Variants in MAGI2 observed in about 807,000 individuals in gnomAD.
MAGI2 encodes membrane-associated guanylate kinase, WW and PDZ domain-containing protein 2.
A neutral mutation model predicts 133.3 loss-of-function variants in MAGI2; 35 were observed. That is an observed-to-expected ratio of 0.26 (90% CI 0.20 to 0.35). The LOEUF (loss-of-function observed/expected upper bound fraction) is 0.35. Among genes scored for constraint, MAGI2 ranks in the 10% least tolerant of loss-of-function variants. MAGI2 has a pLI of 1.00. For missense variants in MAGI2, 1,636 were observed against 1,863.4 expected (o/e 0.88, Z 2.25); for synonymous variants, 729 against 710.6 (o/e 1.03, Z -0.41).
intron 21 of MAGI2, among the ~76,000 whole-genome samples, chr7:78,023,239 C>CT (rs1256017930): frequency 2.6e-5 from 4 of 152,194 alleles, no homozygotes; most frequent in Admixed American, 2.6e-4. Flanking sequence ...GAGCCCTTCT[C>CT]TAAGACTGGA....
At chr7:79,075,280 G>A (rs565744121) in intron 1 of MAGI2, among the ~76,000 whole-genome samples, 1 of 152,048 alleles carries the variant, frequency 6.6e-6, no homozygotes, top group African/African-American at 2.4e-5. Context: ...GAATGCCTTA[G>A]AGCAATCATG....
At chr7:78,529,392 C>T (rs987057116) in intron 3 of MAGI2, among the ~76,000 whole-genome samples, 8 of 152,152 alleles carry the variant, frequency 5.3e-5, no homozygotes, top group Non-Finnish European at 5.9e-5. Context: ...AGAACATTTC[C>T]CACCTGCGCC....
chr7:78,577,120 TA>T (rs1281303756), intron 3 of MAGI2, among the ~76,000 whole-genome samples: 1 of 152,244 alleles, frequency 6.6e-6, no homozygotes, highest in African/African-American at 2.4e-5. Context: ...AGAAAAAGGA[TA>T]TTTTTTGTGT....
intron 2 of MAGI2, among the ~76,000 whole-genome samples, chr7:78,691,971 T>C (rs1239257962): frequency 2.6e-5 from 4 of 152,152 alleles, no homozygotes; most frequent in Non-Finnish European, 5.9e-5. Flanking sequence ...GTGGGCATGT[T>C]AATAATGGGA....
At chr7:79,334,430 C>T (rs1029877146) in intron 1 of MAGI2, among the ~76,000 whole-genome samples, 2 of 151,986 alleles carry the variant, frequency 1.3e-5, no homozygotes, top group Non-Finnish European at 2.9e-5. Flanking sequence ...TTTTATAAGT[C>T]TTTTATAATT....
At chr7:78,053,427 C>T (rs1413475309) in intron 21 of MAGI2, among the ~76,000 whole-genome samples, 3 of 152,186 alleles carry the variant, frequency 2.0e-5, no homozygotes, top group African/African-American at 7.2e-5. Context: ...TCCCTCCTTC[C>T]CCTCTCCTTG....
intron 9 of MAGI2, among the ~76,000 whole-genome samples, chr7:78,303,719 C>T (rs1162144681): frequency 6.6e-6 from 1 of 152,144 alleles, no homozygotes; most frequent in African/African-American, 2.4e-5. Context: ...AATGGGAATG[C>T]ACTATGCAAA....
rs187694690 is a variant in MAGI2 at position 79,028,235 on chromosome 7, G to A, written c.302-21029C>T. 6.9e-3 allele frequency among the ~76,000 whole-genome samples: 202 copies of A among 29,186 alleles called. 1 individual carries two copies. The highest frequency in any genetic ancestry group is 9.0e-3 in the South Asian group (8 of 890). The allele number at this position is 29,186 out of a possible 152,430, so 19.1% of individuals were successfully genotyped here. On this transcript the variant is annotated intron_variant, in intron 1 of 21. Coordinates refer to ENST00000354212, the MANE Select transcript of MAGI2 (RefSeq NM_012301.4). ...CAAAAAAATATATATATATATGTAT[G>A]TATATATATATATATATATATATAT...
At chr7:78,409,270 C>A (rs997791502) in intron 6 of MAGI2, among the ~76,000 whole-genome samples, 3 of 152,004 alleles carry the variant, frequency 2.0e-5, no homozygotes, top group Non-Finnish European at 4.4e-5. Flanking sequence ...ATTTCTACAG[C>A]GCAGAATGCT....
At chr7:78,455,247 C>G (rs553485722) in intron 6 of MAGI2, among the ~76,000 whole-genome samples, 1 of 152,196 alleles carries the variant, frequency 6.6e-6, no homozygotes, top group African/African-American at 2.4e-5. Context: ...ATAAAACAGT[C>G]TATGAATTAA....
chr7:78,325,529 C>T lies in MAGI2; in HGVS notation c.1408+18249G>A, dbSNP rs567920224. Among the ~76,000 whole-genome samples the T allele has an allele frequency of 3.3e-5, 5 of 152,344 alleles. No individual in the cohort carries two copies. In the East Asian group the frequency reaches 7.7e-4, roughly 24 times the overall value. The stretch of plus-strand genomic sequence containing the variant: ...CAAGCAAACATACTTGACTCGTTCT[C>T]CACCCCTCTCTTCTATGCAGACAAG... On this transcript the variant is annotated intron_variant, in intron 9 of 21. Transcript: ENST00000354212.
intron 2 of MAGI2, among the ~76,000 whole-genome samples, chr7:78,840,865 A>G (rs1792087662): frequency 6.6e-6 from 1 of 151,992 alleles, no homozygotes; most frequent in South Asian, 2.1e-4. Flanking sequence ...GGTAGAAATA[A>G]TAAGACCCAT....
chr7:78,803,606 A>G (rs1305400959), intron 2 of MAGI2, among the ~76,000 whole-genome samples: 3 of 152,170 alleles, frequency 2.0e-5, no homozygotes, highest in African/African-American at 7.2e-5. Flanking sequence ...ACCAAGGATT[A>G]TTTAAATTTG....
intron 1 of MAGI2, among the ~76,000 whole-genome samples, chr7:79,055,391 T>C (rs1813062434): frequency 1.3e-5 from 2 of 152,196 alleles, no homozygotes; most frequent in African/African-American, 4.8e-5. Context: ...TAAGATTCCC[T>C]AAGAATTTAA....
intron 9 of MAGI2, among the ~76,000 whole-genome samples, chr7:78,319,845 AT>A (rs1361901032): frequency 6.6e-6 from 1 of 152,150 alleles, no homozygotes; most frequent in African/African-American, 2.4e-5. Flanking sequence ...CAGGAGCTGG[AT>A]TTTTGAAAAG....
rs1015238802 is a variant in MAGI2 at position 79,323,933 on chromosome 7, A to C, written c.301+129087T>G. On this transcript the variant is annotated intron_variant, in intron 1 of 21. Coordinates refer to ENST00000354212, the MANE Select transcript of MAGI2 (RefSeq NM_012301.4). ...TAACACCACCATGTGGATCAGTTTT[A>C]AACACAAGAATGGGGCATCTAGCCT... is the stretch of plus-strand genomic sequence containing the variant. Among the ~76,000 whole-genome samples the C allele has an allele frequency of 5.3e-5, 8 of 152,114 alleles. No individual in the cohort carries two copies. In the South Asian group the frequency reaches 1.7e-3, roughly 32 times the overall value.
chr7:78,297,142 C>T (rs1055109726), intron 9 of MAGI2, among the ~76,000 whole-genome samples: 1 of 152,118 alleles, frequency 6.6e-6, no homozygotes, highest in African/African-American at 2.4e-5. Context: ...GTAGGCTGCA[C>T]AAAGTGACTT....
intron 3 of MAGI2, among the ~76,000 whole-genome samples, chr7:78,565,221 G>A (rs1469818089): frequency 1.3e-5 from 2 of 152,020 alleles, no homozygotes; most frequent in Non-Finnish European, 2.9e-5. Context: ...CAGCTACTCA[G>A]GAAGCTGAGG....
intron 2 of MAGI2, among the ~76,000 whole-genome samples, chr7:79,002,134 CTTT>C (rs11301382): frequency 1.2e-4 from 16 of 135,206 alleles, no homozygotes; most frequent in Admixed American, 1.5e-4. Context: ...TCTTCTTCTT[CTTT>C]TTTTTTTTTT....
Sources: gnomAD v4.1 joint callset for allele counts (sites outside exome capture counted in the v4.1 genomes callset) on GRCh38, gnomAD v4.1.1 for gene constraint, MANE v1.5 for transcripts, NCBI Gene and HGNC (gene_info 2026-07-23, HGNC 2026-07-21) for gene names.